PIM2: variants seen among roughly 807,000 people sequenced by gnomAD.
PIM2 encodes serine/threonine-protein kinase pim-2.
Under a neutral mutation model 18.0 loss-of-function variants are expected in PIM2, and 3 were observed. The ratio of observed to expected loss-of-function variants is 0.17; its 90% CI spans 0.08 to 0.43. The LOEUF is 0.43. PIM2 is among the 20% of genes least tolerant of loss of function. PIM2 has a pLI of 0.99. For synonymous variants in PIM2, 117 were observed against 105.3 expected, an observed-to-expected ratio of 1.11 and a Z score of -0.68; for missense variants, 181 against 260.8, an observed-to-expected ratio of 0.69 and a Z score of 2.11.
intron 2 of PIM2, 149 bp downstream of exon 2, chrX:48,918,387 C>T: frequency 2.3e-6 from 1 of 433,602 alleles, no homozygotes; most frequent in Non-Finnish European, 4.0e-6. Flanking sequence ...CAGGCTCACT[C>T]CTCGGACACG....
intron 3 of PIM2, among the ~76,000 whole-genome samples, chrX:48,916,639 G>C (rs2063563529): frequency 8.9e-6 from 1 of 111,857 alleles, no homozygotes; most frequent in South Asian, 3.6e-4. Flanking sequence ...CACTAGGTCA[G>C]GGGTTCGAGA....
Position 48,914,582 on chromosome X carries a change from G to C in PIM2, c.596-11C>G, listed in dbSNP as rs370289336. Reference sequence around the variant, plus strand: ...TGTACACCCTTGTCCCTGCACACAAGCCAGGGGTTAGACCAACTCAATCTC... The same window carrying C: ...TGTACACCCTTGTCCCTGCACACAACCCAGGGGTTAGACCAACTCAATCTC... On this transcript the variant is annotated splice_polypyrimidine_tract_variant and intron_variant, in intron 4 of 5. Transcript: ENST00000376509. The C allele has an allele frequency of 8.4e-7, 1 of 1,195,042 alleles. No individual in the cohort carries two copies. Among genetic ancestry groups the C allele is most frequent in the Non-Finnish European group, 1.1e-6 (1 of 886,363 alleles).
At chrX:48,918,297 TG>T (rs2063568746) in intron 2 of PIM2, among the ~76,000 whole-genome samples, 1 of 7,082 alleles carries the variant, frequency 1.4e-4, no homozygotes, top group African/African-American at 8.5e-4. Context: ...TGAAGCCCCC[TG>T]CCCCCCCCCC....
At chrX:48,914,333 G>A (rs1312773317) in intron 5 of PIM2, 39 bp from the exon 6 acceptor site, 1 of 1,208,689 alleles carries the variant, frequency 8.3e-7, no homozygotes, top group Non-Finnish European at 1.1e-6. Flanking sequence ...TTAGCAGTCA[G>A]TAGGGGGTAC....
rs782155653 is a variant in PIM2 at position 48,915,194 on chromosome X, G to T, written c.421C>A (p.Arg141Ser). ...EKGPLGEGPS[R>S]CFFGQVVAAI... ...GCCACTACTTGGCCAAAGAAGCAGC[G>T]GCTTGGGCCTTCACCCAGTGGGCCC... Residue 141 changes from arginine (R) to serine (S), a missense_variant, in exon 4 of 6, where the codon CGC becomes AGC. Around this residue, in one of 5 missense-constraint regions of PIM2, gnomAD observed 104 missense variants for 125.3 expected, o/e 0.83. Coordinates refer to ENST00000376509, the MANE Select transcript of PIM2 (RefSeq NM_006875.4). The T allele has an allele frequency of 8.2e-7, 1 of 1,212,189 alleles. No individual in the cohort carries two copies.
chrX:48,916,646 G>A (rs1184354915), intron 3 of PIM2, among the ~76,000 whole-genome samples: 1 of 111,642 alleles, frequency 9.0e-6, no homozygotes, highest in Non-Finnish European at 1.9e-5. Flanking sequence ...TCAGGGGTTC[G>A]AGACCAGCCT....
chrX:48,915,250 G>A lies in PIM2; in HGVS notation c.365C>T (p.Ala122Val), dbSNP rs782692621. 4.1e-6 allele frequency: 5 copies of A among 1,211,970 alleles called. No individual in the cohort carries two copies. The highest frequency in any genetic ancestry group is 5.6e-6 in the Non-Finnish European group (5 of 895,503). The change falls in exon 4 of 6, where the codon GCC (alanine) becomes GTC (valine). Residue 122 changes from alanine to valine, a missense_variant. Ala to Val is a moderately conservative substitution (Grantham distance 64). Transcript: ENST00000376509. ...FMLVLERPLP[A>V]QDLFDYITEK... ...TGTGATATAGTCAAAGAGATCCTGG[G>A]CGGGCAAAGGCCGCTCGAGGACCAG...
At chrX:48,918,510 C>T (rs2063569812) in intron 2 of PIM2, 26 bp downstream of exon 2, 2 of 1,105,664 alleles carry the variant, frequency 1.8e-6, no homozygotes, top group Non-Finnish European at 2.5e-6. Flanking sequence ...CGCACCTGAC[C>T]CTCCCAAGAC....
intron 4 of PIM2, 67 bp from the exon 5 acceptor site, chrX:48,914,638 AG>A (rs2063558196): frequency 1.0e-6 from 1 of 976,699 alleles, no homozygotes; most frequent in Non-Finnish European, 1.4e-6. Context: ...CAAACTCTCC[AG>A]GAAGGATGGC....
Position 48,915,008 on chromosome X carries a change from G to C in PIM2, c.595+12C>G. 1 of 1,187,311 alleles carries C rather than the reference G, an allele frequency of 8.4e-7. No homozygotes were observed. The highest frequency in any genetic ancestry group is 1.1e-6 in the Non-Finnish European group (1 of 880,853). On this transcript the variant is annotated intron_variant, in intron 4 of 5. Transcript: ENST00000376509. ...AAAACAATCCCTCCAGGGAGATTTA[G>C]AGAAGCCTTACCATCAAAGTCAGTG...
At position 48,915,283 on chromosome X, in the gene PIM2, C is replaced by T; in HGVS notation, c.332G>A (p.Gly111Asp). ...RLLDWFETQEGFMLVLERPLP... is the reference protein window; with the variant it reads ...RLLDWFETQEDFMLVLERPLP... ...AGGCCGCTCGAGGACCAGCATGAAG[C>T]CCTCCTGTGTCTCAAACCAGTCAAG... Residue 111 changes from glycine (G) to aspartate (D), a missense_variant, in exon 4 of 6, where the codon GGC (glycine) becomes GAC (aspartate). By Grantham distance (94) the Gly-to-Asp change is moderately conservative. Coordinates refer to ENST00000376509, the MANE Select transcript of PIM2 (RefSeq NM_006875.4). The T allele has an allele frequency of 1.7e-6, 2 of 1,212,009 alleles. No individual in the cohort carries two copies. Among genetic ancestry groups the T allele is most frequent in the Non-Finnish European group, 2.2e-6 (2 of 895,490 alleles).
Position 48,914,428 on chromosome X carries a change from C to T in PIM2, c.739G>A (p.Ala247Thr). 5.0e-6 allele frequency: 6 copies of T among 1,210,924 alleles called. No homozygotes were observed. Among genetic ancestry groups the T allele is most frequent in the Non-Finnish European group, 6.7e-6 (6 of 895,265 alleles). The change falls in exon 5 of 6, where the codon GCT (alanine) becomes ACT (threonine). Residue 247 changes from alanine (A) to threonine (T), a missense_variant. By Grantham distance (58) the Ala-to-Thr change is moderately conservative. Coordinates refer to ENST00000376509, the MANE Select transcript of PIM2 (RefSeq NM_006875.4). ...PFERDQEILE[A>T]ELHFPAHVSP... ...ACATGGGCTGGGAAGTGGAGCTCAG[C>T]TTCCAGAATCTCCTGGTCCCTCTCA...
At position 48,914,560 on chromosome X, in the gene PIM2, A is replaced by T; in HGVS notation, c.607T>A (p.Tyr203Asn). The T allele has an allele frequency of 2.5e-6, 3 of 1,208,554 alleles. No homozygotes were observed. The highest frequency in any genetic ancestry group is 3.4e-6 in the Non-Finnish European group (3 of 893,923). ...PYTDFDGTRVYSPPEWISRHQ... is the reference protein window; with the variant it reads ...PYTDFDGTRVNSPPEWISRHQ... ...CGAGAGATCCACTCTGGGGGGCTGT[A>T]CACCCTTGTCCCTGCACACAAGCCA... Residue 203 changes from tyrosine to asparagine, a missense_variant, in exon 5 of 6, where the codon TAC becomes AAC. This residue lies in a region of PIM2 where 26 missense variants were observed against 31.1 expected (regional missense o/e 0.84). Coordinates refer to ENST00000376509, the MANE Select transcript of PIM2 (RefSeq NM_006875.4).
chrX:48,919,001 G>T lies in PIM2; in HGVS notation c.-167C>A. On this transcript the variant is annotated 5_prime_UTR_variant, in exon 1 of 6. Transcript: ENST00000376509. The stretch of plus-strand genomic sequence containing the variant: ...AGACGGCGCAGCGTTGAGATTCGCC[G>T]CGCGCGCCAGCCCCAATGCTACTGA... The T allele has an allele frequency of 2.3e-6, 1 of 437,259 alleles. No individual in the cohort carries two copies. Among genetic ancestry groups the T allele is most frequent in the South Asian group, 3.8e-5 (1 of 26,064 alleles). 36.0% of individuals were successfully genotyped at this position (437,259 alleles called of 1,213,427 possible).
rs1299625506 is a variant in PIM2, at chrX:48,913,971, C to T, written c.*160G>A. The T allele has an allele frequency of 1.2e-5, 5 of 414,501 alleles. No individual in the cohort carries two copies. The highest frequency in any genetic ancestry group is 2.1e-5 in the Non-Finnish European group (5 of 240,208). 34.2% of individuals were successfully genotyped at this position (414,501 alleles called of 1,213,427 possible). ...GGAACTGGGCAGACTTGGTTTATGT[C>T]TTCTAACCCCTGATCCTCAATCCCT... On this transcript the variant is annotated 3_prime_UTR_variant, in exon 6 of 6. Transcript: ENST00000376509.
At chrX:48,918,298 G>GCCCCCCCCCCCCCCCCCCCCC (rs11361543) in intron 2 of PIM2, among the ~76,000 whole-genome samples, 3 of 25,006 alleles carry the variant, frequency 1.2e-4, no homozygotes, top group Non-Finnish European at 1.3e-4. Flanking sequence ...GAAGCCCCCT[G>GCCCCCCCCCCCCCCCCCCCCC]CCCCCCCCCC....
In PIM2 at chrX:48,915,311, G is replaced by T; in HGVS notation, c.304C>A (p.Leu102Met). 8.3e-7 allele frequency: 1 copy of T among 1,211,264 alleles called. No homozygotes were observed. The highest frequency in any genetic ancestry group is 1.1e-6 in the Non-Finnish European group (1 of 895,040). Residue 102 changes from leucine (L) to methionine (M), a missense_variant, in exon 4 of 6, where the codon CTG (leucine) becomes ATG (methionine). Transcript: ENST00000376509. Reference sequence around the variant, plus strand: ...TCCTGTGTCTCAAACCAGTCAAGCAGGCGGATCACGCCAGGGTGCCCACCA... The same window carrying T: ...TCCTGTGTCTCAAACCAGTCAAGCATGCGGATCACGCCAGGGTGCCCACCA... ...AGGGHPGVIR[L>M]LDWFETQEGF...
chrX:48,918,990 T>C lies in PIM2; in HGVS notation c.-156A>G, dbSNP rs2063571551. ...GAAGCGCCCGCAGACGGCGCAGCGTTGAGATTCGCCGCGCGCGCCAGCCCC... is the reference window on the plus strand; with the variant it reads ...GAAGCGCCCGCAGACGGCGCAGCGTCGAGATTCGCCGCGCGCGCCAGCCCC... On this transcript the variant is annotated 5_prime_UTR_variant, in exon 1 of 6. Coordinates refer to ENST00000376509, the MANE Select transcript of PIM2 (RefSeq NM_006875.4). 1 of 454,805 alleles carries C rather than the reference T, an allele frequency of 2.2e-6. No homozygotes were observed. Among genetic ancestry groups the C allele is most frequent in the Non-Finnish European group, 3.7e-6 (1 of 268,403 alleles). 37.5% of individuals were successfully genotyped at this position (454,805 alleles called of 1,213,427 possible).
Sources: gnomAD v4.1 joint callset for allele counts (sites outside exome capture counted in the v4.1 genomes callset) on GRCh38, gnomAD v4.1.1 for gene constraint, gnomAD v4.1.1 regional missense constraint, MANE v1.5 for transcripts, NCBI Gene and HGNC (gene_info 2026-07-23, HGNC 2026-07-21) for gene names.